DNAH8: variants seen among roughly 807,000 people sequenced by gnomAD.
The protein encoded by DNAH8 is axonemal beta dynein heavy chain 8.
DNAH8 carries 382 observed loss-of-function variants against 562.1 expected under a neutral mutation model. The ratio of observed to expected loss-of-function variants is 0.68; its 90% CI spans 0.63 to 0.74. DNAH8 has a LOEUF of 0.74. Among genes scored for constraint, DNAH8 ranks in the 30% least tolerant of loss-of-function variants. DNAH8 has a pLI of 0.00. For synonymous variants in DNAH8, 1,881 were observed against 1,919.4 expected (o/e 0.98, Z 0.52); for missense variants, 5,203 against 5,620.4 (o/e 0.93, Z 2.37).
chr6:38,853,285 T>G lies in DNAH8; in HGVS notation c.5671T>G (p.Phe1891Val), dbSNP rs1266888689. The change falls in exon 41 of 93, where the codon TTC becomes GTC. Residue 1891 changes from phenylalanine to valine, a missense_variant. By Grantham distance (50) the Phe-to-Val change is conservative. Around this residue, in one of 6 missense-constraint regions of DNAH8, gnomAD observed 2,176 missense variants for 2,365.1 expected, o/e 0.92. Coordinates refer to ENST00000327475, the MANE Select transcript of DNAH8 (RefSeq NM_001206927.2). ...SSLHNIIRSA[F>V]YQISDSGFQL... ...ATTACATAATATAATTAGATCCGCT[T>G]TCTATCAAATCAGTGATTCAGGATT... The G allele has an allele frequency of 1.2e-6, 2 of 1,613,374 alleles. No homozygotes were observed. Among genetic ancestry groups the G allele is most frequent in the Admixed American group, 3.3e-5 (2 of 59,882 alleles).
intron 85 of DNAH8, among the ~76,000 whole-genome samples, chr6:38,981,119 G>T (rs1764006225): frequency 1.3e-5 from 2 of 151,690 alleles, no homozygotes; most frequent in Admixed American, 1.3e-4. Context: ...AGAGGTAAAA[G>T]AGTAGAATTA....
intron 56 of DNAH8, among the ~76,000 whole-genome samples, chr6:38,885,993 A>C (rs912351496): frequency 6.6e-5 from 10 of 152,234 alleles, no homozygotes; most frequent in African/African-American, 2.4e-4. Context: ...GGTTAATTGA[A>C]AGACGGTTAT....
In DNAH8 at chr6:39,026,654, C is replaced by T. The variant is rs142438011; in HGVS notation, c.13823C>T (p.Thr4608Met). ...CTGAGACAGACCAAGGAGGAGATCA[C>T]GTCACCCCCTGGGGTAGGCGTTGCT... ...EVLRQTKEEI[T>M]SPPGEGVYIY... Residue 4608 changes from threonine (T) to methionine (M), a missense_variant, in exon 92 of 93, where the codon ACG (threonine) becomes ATG (methionine). Physicochemically the swap from Thr to Met is moderately conservative, Grantham distance 81. Transcript: ENST00000327475. 441 of 1,613,320 alleles carry T rather than the reference C, an allele frequency of 2.7e-4. 1 individual carries two copies. The African/African-American group carries it at 4.9e-3, about 18-fold the overall frequency.
chr6:39,029,623 C>A (rs752996745), intron 92 of DNAH8, among the ~76,000 whole-genome samples: 17 of 152,198 alleles, frequency 1.1e-4, no homozygotes, highest in Admixed American at 2.0e-4. Context: ...TGGGGGCGCT[C>A]TGACTCTCCC....
rs1427725698 is a variant in DNAH8, at chr6:38,853,258, T to A, written c.5644T>A (p.Ser1882Thr). The A allele has an allele frequency of 6.2e-7, 1 of 1,613,372 alleles. No homozygotes were observed. The highest frequency in any genetic ancestry group is 8.5e-7 in the Non-Finnish European group (1 of 1,179,724). ...LLDLLKMQMS[S>T]LHNIIRSAFY... ...GGATTTGTTAAAAATGCAGATGTCA[T>A]CATTACATAATATAATTAGATCCGC... The change falls in exon 41 of 93, where the codon TCA (serine) becomes ACA (threonine). Residue 1882 changes from serine (S) to threonine (T), a missense_variant. Ser to Thr is a moderately conservative substitution (Grantham distance 58). Transcript: ENST00000327475.
intron 81 of DNAH8, 38 bp from the exon 82 acceptor site, chr6:38,951,280 C>T (rs375880622): frequency 9.6e-6 from 15 of 1,563,092 alleles, no homozygotes; most frequent in South Asian, 8.9e-5. Flanking sequence ...AAATTGAACA[C>T]GTTTAGTTTA....
intron 88 of DNAH8, among the ~76,000 whole-genome samples, chr6:38,998,042 G>C (rs530874423): frequency 6.6e-6 from 1 of 152,344 alleles, no homozygotes; most frequent in East Asian, 1.9e-4. Context: ...ATAGGCATGA[G>C]CCACGGTGCC....
intron 12 of DNAH8, among the ~76,000 whole-genome samples, chr6:38,773,896 G>T (rs1040908182): frequency 1.3e-5 from 2 of 152,146 alleles, no homozygotes; most frequent in Middle Eastern, 3.2e-3. Context: ...ATTCGAAGTT[G>T]GAATGACCAA....
intron 82 of DNAH8, among the ~76,000 whole-genome samples, chr6:38,956,284 G>A (rs1054633586): frequency 1.3e-5 from 2 of 152,114 alleles, no homozygotes; most frequent in Non-Finnish European, 2.9e-5. Flanking sequence ...CTGCAGTCAG[G>A]GAACTATCCT....
chr6:38,794,902 G>C (rs1005907917), intron 21 of DNAH8, among the ~76,000 whole-genome samples: 2 of 151,872 alleles, frequency 1.3e-5, no homozygotes, highest in Non-Finnish European at 2.9e-5. Context: ...TAATTTGGTG[G>C]ATATATACCC....
chr6:38,904,993 T>G (rs1250133868), intron 62 of DNAH8, among the ~76,000 whole-genome samples: 1 of 152,122 alleles, frequency 6.6e-6, no homozygotes, highest in Admixed American at 6.6e-5. Flanking sequence ...AGGGGTGTGT[T>G]GTGACTGTCT....
chr6:38,745,673 T>C (rs1211409079), intron 8 of DNAH8, among the ~76,000 whole-genome samples: 2 of 152,240 alleles, frequency 1.3e-5, no homozygotes, highest in East Asian at 3.8e-4. Flanking sequence ...CAATCCAGGA[T>C]CCTATTTACA....
intron 1 of DNAH8, among the ~76,000 whole-genome samples, chr6:38,716,297 C>CA (rs914322050): frequency 4.0e-5 from 6 of 151,410 alleles, no homozygotes; most frequent in Admixed American, 2.0e-4. Context: ...AAAAATAAAA[C>CA]AAAAAAAATG....
At chr6:38,733,409 G>A (rs1057301551) in intron 4 of DNAH8, among the ~76,000 whole-genome samples, 1 of 152,158 alleles carries the variant, frequency 6.6e-6, no homozygotes, top group Non-Finnish European at 1.5e-5. Context: ...AGTGTATTTG[G>A]TACAGGAACT....
chr6:38,982,475 A>T lies in DNAH8; in HGVS notation c.12951+13A>T. The T allele has an allele frequency of 7.8e-7, 1 of 1,287,672 alleles. No individual in the cohort carries two copies. The highest frequency in any genetic ancestry group is 1.2e-5 in the South Asian group (1 of 83,942). The allele number at this position is 1,287,672 out of a possible 1,614,324, so 79.8% of individuals were successfully genotyped here. ...CGATATTAAGAAAGTGAGTGAAATT[A>T]TGCCTTTTTTCCTGTTTTTATTGCT... On this transcript the variant is annotated intron_variant, in intron 86 of 92. Transcript: ENST00000327475.
intron 53 of DNAH8, among the ~76,000 whole-genome samples, chr6:38,879,252 A>G (rs950224826): frequency 2.6e-5 from 4 of 152,034 alleles, no homozygotes; most frequent in Non-Finnish European, 5.9e-5. Context: ...TCATAAGGAC[A>G]GTGTTATGCT....
chr6:38,900,403 G>T (rs1779995136), intron 62 of DNAH8, among the ~76,000 whole-genome samples: 3 of 152,044 alleles, frequency 2.0e-5, no homozygotes, highest in African/African-American at 7.2e-5. Flanking sequence ...ATTTGGTTTG[G>T]GGCAAATAGA....
At chr6:38,947,324 GC>G (rs1380234796) in intron 80 of DNAH8, among the ~76,000 whole-genome samples, 1 of 152,208 alleles carries the variant, frequency 6.6e-6, no homozygotes, top group Non-Finnish European at 1.5e-5. Flanking sequence ...AAGGGAGGAA[GC>G]AGAAGATCAA....
intron 16 of DNAH8, 66 bp downstream of exon 16, chr6:38,781,439 C>A: frequency 1.5e-6 from 2 of 1,357,272 alleles, no homozygotes; most frequent in Non-Finnish European, 2.0e-6. Context: ...TATATCATAT[C>A]CTATAATATT....
Sources: gnomAD v4.1 joint callset for allele counts (sites outside exome capture counted in the v4.1 genomes callset) on GRCh38, gnomAD v4.1.1 for gene constraint, gnomAD v4.1.1 regional missense constraint, MANE v1.5 for transcripts, NCBI Gene and HGNC (gene_info 2026-07-23, HGNC 2026-07-21) for gene names.